Variants in ZBTB43 observed in about 807,000 individuals in gnomAD.
ZBTB43 encodes the protein zinc finger and BTB domain-containing protein 43.
Under a neutral mutation model 31.1 loss-of-function variants are expected in ZBTB43, and 6 were observed. The ratio of observed to expected loss-of-function variants is 0.19; its 90% CI spans 0.11 to 0.38. ZBTB43 has a LOEUF of 0.38. ZBTB43 is among the 10% of genes least tolerant of loss of function. ZBTB43 has a pLI of 1.00. For missense variants in ZBTB43, 379 were observed against 602.1 expected, an observed-to-expected ratio of 0.63 and a Z score of 3.88; for synonymous variants, 212 against 221.7, an observed-to-expected ratio of 0.96 and a Z score of 0.39.
rs1386328903 is a variant in ZBTB43, at chr9:126,836,431, A to G, written c.*2518A>G. ...ATTTGAGGTTTTGGCAAAAATTGGG[A>G]TTTTTTTATCAGGCAGCCAGAGCCT... On this transcript the variant is annotated 3_prime_UTR_variant, in exon 3 of 3. Coordinates refer to ENST00000373464, the MANE Select transcript of ZBTB43 (RefSeq NM_014007.4). 6.0e-6 allele frequency: 1 copy of G among 166,902 alleles called. No homozygotes were observed. The highest frequency in any genetic ancestry group is 1.5e-5 in the Non-Finnish European group (1 of 68,088). 10.3% of individuals were successfully genotyped at this position (166,902 alleles called of 1,614,324 possible).
chr9:126,820,318 C>T (rs1484115979), intron 2 of ZBTB43, among the ~76,000 whole-genome samples: 1 of 152,146 alleles, frequency 6.6e-6, no homozygotes, highest in Admixed American at 6.5e-5. Flanking sequence ...GGGGCTAATG[C>T]AGCTGGTAAC....
chr9:126,832,151 G>A (rs1244578748), intron 2 of ZBTB43: 1 of 198,334 alleles, frequency 5.0e-6, no homozygotes, highest in African/African-American at 2.3e-5. Context: ...TATATTATTT[G>A]AATGGGTATC....
chr9:126,817,498 CGG>C (rs2032414248), intron 2 of ZBTB43, among the ~76,000 whole-genome samples: 1 of 144,228 alleles, frequency 6.9e-6, no homozygotes, highest in African/African-American at 2.6e-5. Context: ...TTTTTTGAGA[CGG>C]AGTCTCGCTC....
At chr9:126,812,012 C>T (rs961964552) in intron 2 of ZBTB43, among the ~76,000 whole-genome samples, 4 of 151,866 alleles carry the variant, frequency 2.6e-5, no homozygotes, top group African/African-American at 9.7e-5. Flanking sequence ...GATTTGTATA[C>T]CCATCACCAC....
upstream of ZBTB43, among the ~76,000 whole-genome samples, chr9:126,804,078 GTTC>G (rs933883895): frequency 3.9e-5 from 6 of 152,124 alleles, no homozygotes; most frequent in Admixed American, 2.0e-4. Context: ...GTATAAATTA[GTTC>G]TTCTACAAAG....
At chr9:126,832,297 T>G in intron 2 of ZBTB43, 190 bp from the exon 3 acceptor site, 1 of 573,250 alleles carries the variant, frequency 1.7e-6, no homozygotes, top group South Asian at 2.3e-5. Context: ...CCACAAGGAG[T>G]GGTGGTGAGT....
chr9:126,810,741 G>A lies in ZBTB43; in HGVS notation c.-24+1826G>A, dbSNP rs184656007. ...GATGGTCTCCATCTTTTGACCTGGTGATCCGCCCGCCTCGGCCTCCCAAAG... is the reference window on the plus strand; with the variant it reads ...GATGGTCTCCATCTTTTGACCTGGTAATCCGCCCGCCTCGGCCTCCCAAAG... On this transcript the variant is annotated intron_variant, in intron 2 of 2. Transcript: ENST00000373464. 4.6e-5 allele frequency among the ~76,000 whole-genome samples: 7 copies of A among 150,948 alleles called. 1 individual carries two copies. The highest frequency in any genetic ancestry group is 1.7e-4 in the African/African-American group (7 of 41,216).
At position 126,833,917 on chromosome 9, in the gene ZBTB43, T is replaced by C. The variant is rs763395829; in HGVS notation, c.*4T>C. On this transcript the variant is annotated 3_prime_UTR_variant, in exon 3 of 3. Transcript: ENST00000373464. This position sits in a 1 kb window ranked among gnomAD's most constrained non-coding sequence, Gnocchi z 7.9. ...GAATACAACTGAGGCTAACTAAAAATAGGATCTGGCCCTTGAGTGGCATGC... is the reference window on the plus strand; with the variant it reads ...GAATACAACTGAGGCTAACTAAAAACAGGATCTGGCCCTTGAGTGGCATGC... 2 of 1,570,288 alleles carry C rather than the reference T, an allele frequency of 1.3e-6. No individual in the cohort carries two copies. The highest frequency in any genetic ancestry group is 8.7e-7 in the Non-Finnish European group (1 of 1,149,318).
chr9:126,817,728 G>A (rs1298764792), intron 2 of ZBTB43, among the ~76,000 whole-genome samples: 4 of 150,854 alleles, frequency 2.7e-5, no homozygotes, highest in South Asian at 4.2e-4. Context: ...CACCCACCTC[G>A]GCCTCCCAAA....
upstream of ZBTB43, among the ~76,000 whole-genome samples, chr9:126,804,820 T>G (rs143608825): frequency 6.6e-6 from 1 of 152,228 alleles, no homozygotes; most frequent in Non-Finnish European, 1.5e-5. Context: ...GAACTCAGTA[T>G]CTGCTCCCCT....
At chr9:126,804,329 A>G (rs1237735653), upstream of ZBTB43, among the ~76,000 whole-genome samples, 1 of 152,138 alleles carries the variant, frequency 6.6e-6, no homozygotes, top group Non-Finnish European at 1.5e-5. Context: ...TTCATTGACC[A>G]TTTACTGAGC....
At chr9:126,817,484 T>G (rs2032413555) in intron 2 of ZBTB43, among the ~76,000 whole-genome samples, 1 of 150,526 alleles carries the variant, frequency 6.6e-6, no homozygotes, top group South Asian at 2.1e-4. Context: ...GAAGTTTTTT[T>G]TTTTTTTTTG....
At chr9:126,824,672 G>T (rs912513095) in intron 2 of ZBTB43, among the ~76,000 whole-genome samples, 10 of 152,096 alleles carry the variant, frequency 6.6e-5, no homozygotes, top group Admixed American at 2.0e-4. Flanking sequence ...TCTCTTTTAC[G>T]TGACTAGGAG....
intron 2 of ZBTB43, among the ~76,000 whole-genome samples, chr9:126,824,288 G>A (rs2032582105): frequency 6.6e-6 from 1 of 152,246 alleles, no homozygotes; most frequent in Admixed American, 6.5e-5. Context: ...GCCTTCCAAA[G>A]TGCTGGGATT....
At chr9:126,809,346 A>G (rs1200855850) in intron 2 of ZBTB43, among the ~76,000 whole-genome samples, 1 of 152,244 alleles carries the variant, frequency 6.6e-6, no homozygotes, top group East Asian at 1.9e-4. Flanking sequence ...CATTTCACTA[A>G]TGTAAAGAGT....
At position 126,819,279 on chromosome 9, in the gene ZBTB43, A is replaced by ATTT. The variant is rs71377975; in HGVS notation, c.-24+10387_-24+10389dup. On this transcript the variant is annotated intron_variant, in intron 2 of 2. Coordinates refer to ENST00000373464, the MANE Select transcript of ZBTB43 (RefSeq NM_014007.4). ...TCATTTTGTGCTTCACGGATATTGC[A>ATTT]TTTTTTTTTTTTTTTTTTTTTTTTT... is the stretch of plus-strand genomic sequence containing the variant. Among the ~76,000 whole-genome samples, 558 of 100,146 alleles carry ATTT rather than the reference A, an allele frequency of 5.6e-3. 11 individuals are homozygous for ATTT. Among genetic ancestry groups the ATTT allele is most frequent in the African/African-American group, 0.019 (493 of 26,194 alleles). 65.7% of individuals were successfully genotyped at this position (100,146 alleles called of 152,430 possible).
intron 2 of ZBTB43, among the ~76,000 whole-genome samples, chr9:126,810,948 C>T (rs535819459): frequency 1.3e-5 from 2 of 151,964 alleles, no homozygotes; most frequent in South Asian, 2.1e-4. Context: ...CAGCCAGGCA[C>T]GATGGCTCAT....
chr9:126,837,654 C>G lies in ZBTB43; in HGVS notation c.*3741C>G, dbSNP rs1564211604. ...AGCACTGTGTTATCCCCAATCCCTC[C>G]TGTGCCACCAGTTTTGTGATTTAGG... is the stretch of plus-strand genomic sequence containing the variant. On this transcript the variant is annotated 3_prime_UTR_variant, in exon 3 of 3. Coordinates refer to ENST00000373464, the MANE Select transcript of ZBTB43 (RefSeq NM_014007.4). 1 of 167,108 alleles carries G rather than the reference C, an allele frequency of 6.0e-6. No homozygotes were observed. Among genetic ancestry groups the G allele is most frequent in the Non-Finnish European group, 1.5e-5 (1 of 68,124 alleles). The allele number at this position is 167,108 out of a possible 1,614,324, so 10.4% of individuals were successfully genotyped here.
chr9:126,810,024 A>G (rs1219232323), intron 2 of ZBTB43, among the ~76,000 whole-genome samples: 2 of 151,846 alleles, frequency 1.3e-5, no homozygotes, highest in African/African-American at 2.4e-5. Flanking sequence ...TTTAGTAGAG[A>G]TGGGGTTTCA....
Sources: allele counts gnomAD v4.1 joint callset (sites outside exome capture counted in the v4.1 genomes callset), GRCh38; gene constraint gnomAD v4.1.1; non-coding constraint Gnocchi (gnomAD v3.1); transcripts MANE v1.5; gene names NCBI Gene and HGNC (gene_info 2026-07-23, HGNC 2026-07-21).